IMMP2L: variants seen among roughly 807,000 people sequenced by gnomAD.
The protein encoded by IMMP2L is inner mitochondrial membrane peptidase subunit 2.
In IMMP2L, 18 loss-of-function variants were observed where a neutral mutation model predicts 19.3. The ratio of observed to expected loss-of-function variants is 0.93; its 90% CI spans 0.64 to 1.38. The LOEUF (loss-of-function observed/expected upper bound fraction) is 1.38, where lower values mean the gene tolerates loss of function less well. Among genes scored for constraint, IMMP2L ranks in the 40% most tolerant of loss-of-function variants. IMMP2L has a pLI of 0.00. For missense variants in IMMP2L, 233 were observed against 218.2 expected, an observed-to-expected ratio of 1.07 and a Z score of -0.43; for synonymous variants, 76 against 73.0, an observed-to-expected ratio of 1.04 and a Z score of -0.21.
At chr7:111,445,029 T>G (rs891427204) in intron 3 of IMMP2L, among the ~76,000 whole-genome samples, 2 of 152,162 alleles carry the variant, frequency 1.3e-5, no homozygotes, top group Non-Finnish European at 2.9e-5. Flanking sequence ...AAGAAACAGC[T>G]AGGCATATAA....
intron 3 of IMMP2L, among the ~76,000 whole-genome samples, chr7:111,033,156 T>C (rs962534535): frequency 6.6e-6 from 1 of 152,020 alleles, no homozygotes; most frequent in African/African-American, 2.4e-5. Context: ...AATAGATAAA[T>C]AAAAATAAGA....
intron 3 of IMMP2L, among the ~76,000 whole-genome samples, chr7:111,121,419 G>C (rs1800597517): frequency 6.6e-6 from 1 of 152,070 alleles, no homozygotes; most frequent in Non-Finnish European, 1.5e-5. Flanking sequence ...TTTTAGACAT[G>C]GATATGAACA....
At chr7:110,863,832 C>G (rs943871864) in intron 5 of IMMP2L, among the ~76,000 whole-genome samples, 1 of 152,026 alleles carries the variant, frequency 6.6e-6, no homozygotes, top group African/African-American at 2.4e-5. Context: ...GGATGTAACT[C>G]CATCACAAGT....
At chr7:111,103,966 T>A (rs1798260234) in intron 3 of IMMP2L, among the ~76,000 whole-genome samples, 3 of 151,710 alleles carry the variant, frequency 2.0e-5, no homozygotes, top group South Asian at 4.1e-4. Flanking sequence ...TATTGGCAAT[T>A]CAAGAAATTT....
At chr7:110,971,989 G>A (rs1158847510) in intron 3 of IMMP2L, among the ~76,000 whole-genome samples, 2 of 151,988 alleles carry the variant, frequency 1.3e-5, no homozygotes, top group Non-Finnish European at 2.9e-5. Flanking sequence ...CTGACAGTGT[G>A]GAGGTTAGAA....
intron 1 of IMMP2L, among the ~76,000 whole-genome samples, chr7:111,526,660 T>C (rs535313250): frequency 5.9e-5 from 9 of 152,308 alleles, no homozygotes; most frequent in South Asian, 4.1e-4. Context: ...GCAATCAATA[T>C]ATTTAACTGA....
At chr7:110,868,117 TTGTGTG>T (rs71151813) in intron 5 of IMMP2L, among the ~76,000 whole-genome samples, 1 of 144,376 alleles carries the variant, frequency 6.9e-6, no homozygotes, top group Non-Finnish European at 1.5e-5. Flanking sequence ...CTTGTGAGGT[TTGTGTG>T]TGTGTGTGTG....
intron 5 of IMMP2L, among the ~76,000 whole-genome samples, chr7:110,827,826 T>C (rs182463418): frequency 3.3e-5 from 5 of 152,254 alleles, no homozygotes; most frequent in Admixed American, 1.3e-4. Context: ...GACATACTAA[T>C]ATCATCAAGA....
chr7:111,182,654 T>C (rs1807837276), intron 3 of IMMP2L, among the ~76,000 whole-genome samples: 1 of 151,942 alleles, frequency 6.6e-6, no homozygotes, highest in Admixed American at 6.6e-5. Context: ...TCAATCACGT[T>C]TCTCAGAGAA....
chr7:111,134,633 G>A (rs949680304), intron 3 of IMMP2L, among the ~76,000 whole-genome samples: 3 of 151,946 alleles, frequency 2.0e-5, no homozygotes, highest in African/African-American at 7.2e-5. Flanking sequence ...TATCAGAAGT[G>A]TTTTGGGGAA....
chr7:111,388,160 G>A (rs976094084), intron 3 of IMMP2L, among the ~76,000 whole-genome samples: 1 of 151,990 alleles, frequency 6.6e-6, no homozygotes, highest in Non-Finnish European at 1.5e-5. Flanking sequence ...ATCTGGGCCA[G>A]TTACCCTTGG....
At chr7:111,345,510 A>C (rs965300894) in intron 3 of IMMP2L, among the ~76,000 whole-genome samples, 3 of 152,206 alleles carry the variant, frequency 2.0e-5, no homozygotes, top group Non-Finnish European at 4.4e-5. Flanking sequence ...GAAATAATGT[A>C]TGGTATTTGA....
intron 3 of IMMP2L, among the ~76,000 whole-genome samples, chr7:111,007,671 A>G (rs1824445528): frequency 6.6e-6 from 1 of 152,008 alleles, no homozygotes; most frequent in Non-Finnish European, 1.5e-5. Flanking sequence ...ACATATAGAC[A>G]TGTATGTACA....
chr7:110,969,508 T>A (rs763232841), intron 3 of IMMP2L, among the ~76,000 whole-genome samples: 1 of 151,862 alleles, frequency 6.6e-6, no homozygotes, highest in Non-Finnish European at 1.5e-5. Flanking sequence ...CCGAGAATGC[T>A]CCCAACCAAG....
At chr7:111,016,970 A>T (rs1216592426) in intron 3 of IMMP2L, among the ~76,000 whole-genome samples, 3 of 121,774 alleles carry the variant, frequency 2.5e-5, no homozygotes, top group Non-Finnish European at 4.8e-5. Flanking sequence ...TATATGTATA[A>T]TTATATATAC....
chr7:111,376,908 G>A (rs1322152662), intron 3 of IMMP2L, among the ~76,000 whole-genome samples: 1 of 152,004 alleles, frequency 6.6e-6, no homozygotes, highest in Non-Finnish European at 1.5e-5. Flanking sequence ...GAGGTGGCAT[G>A]GTGGTGACAG....
At chr7:110,848,401 G>C (rs1427917610) in intron 5 of IMMP2L, among the ~76,000 whole-genome samples, 1 of 152,112 alleles carries the variant, frequency 6.6e-6, no homozygotes, top group Non-Finnish European at 1.5e-5. Flanking sequence ...CCGAAATGCT[G>C]ACAACCCCAA....
At chr7:111,203,224 A>G (rs1319523890) in intron 3 of IMMP2L, among the ~76,000 whole-genome samples, 1 of 152,158 alleles carries the variant, frequency 6.6e-6, no homozygotes, top group Non-Finnish European at 1.5e-5. Context: ...TTCTTTTACC[A>G]TATTCATTCA....
intron 3 of IMMP2L, among the ~76,000 whole-genome samples, chr7:111,145,576 CAAGT>C (rs1476056297): frequency 6.6e-6 from 1 of 151,944 alleles, no homozygotes; most frequent in African/African-American, 2.4e-5. Context: ...AATGGACTGC[CAAGT>C]AAGTAAGAAG....
Sources: gnomAD v4.1 joint callset for allele counts (sites outside exome capture counted in the v4.1 genomes callset) on GRCh38, gnomAD v4.1.1 for gene constraint, MANE v1.5 for transcripts, NCBI Gene and HGNC (gene_info 2026-07-23, HGNC 2026-07-21) for gene names.